The following TPM3 variants were observed in gnomAD, a reference collection of about 807,000 sequenced individuals.
TPM3 encodes the protein tropomyosin alpha-3 chain.
In TPM3, 16 loss-of-function variants were observed where a neutral mutation model predicts 43.1. The ratio of observed to expected loss-of-function variants is 0.37; its 90% confidence interval spans 0.25 to 0.56. TPM3 has a LOEUF of 0.56. Ranked by LOEUF, TPM3 falls within the 20% of genes least tolerant of loss-of-function variation. The pLI, the probability that TPM3 is intolerant of heterozygous loss-of-function variation, is 0.77. For missense variants in TPM3, 176 were observed against 337.2 expected (o/e 0.52, Z 3.74); for synonymous variants, 101 against 116.9 (o/e 0.86, Z 0.88).
At chr1:154,178,064 G>T in intron 2 of TPM3, 1 of 869,594 alleles carries the variant, frequency 1.1e-6, no homozygotes, top group Non-Finnish European at 1.4e-6. Flanking sequence ...TCAAGAGCAA[G>T]TCAGGCTATC....
chr1:154,175,042 C>A (rs1279081107), intron 3 of TPM3, among the ~76,000 whole-genome samples: 1 of 151,392 alleles, frequency 6.6e-6, no homozygotes, highest in Non-Finnish European at 1.5e-5. Context: ...TTAAAATTAG[C>A]TGGGGAAGGC....
chr1:154,160,712 G>C (rs1321723905), downstream of TPM3, among the ~76,000 whole-genome samples: 3 of 152,152 alleles, frequency 2.0e-5, no homozygotes, highest in African/African-American at 7.2e-5. Context: ...TACATCAACA[G>C]AACTGTCCTA....
intron 2 of TPM3, among the ~76,000 whole-genome samples, chr1:154,186,095 TCAATAGAGTAACCTGCACACTGATTTTTC>T (rs1450492273): frequency 6.6e-6 from 1 of 151,550 alleles, no homozygotes; most frequent in African/African-American, 2.4e-5. Context: ...AATAATTTTC[TCAATAGAGTAACCTGCACACTGATTTTTC>T]CCCCAGAAAT....
At chr1:154,180,318 T>TC (rs1352579500) in intron 2 of TPM3, among the ~76,000 whole-genome samples, 1 of 152,074 alleles carries the variant, frequency 6.6e-6, no homozygotes, top group Non-Finnish European at 1.5e-5. Flanking sequence ...GAGTGCAGTT[T>TC]CCCGCTCCAG....
intron 3 of TPM3, among the ~76,000 whole-genome samples, chr1:154,174,368 G>GTGTGTATA (rs1389219269): frequency 5.4e-4 from 25 of 46,368 alleles, no homozygotes; most frequent in Admixed American, 1.3e-3. Context: ...AAATATATGT[G>GTGTGTATA]TATATATATA....
At chr1:154,191,078 T>C (rs1458664288) in intron 2 of TPM3, 108 bp downstream of exon 2, 2 of 1,547,432 alleles carry the variant, frequency 1.3e-6, no homozygotes, top group Non-Finnish European at 1.8e-6. Flanking sequence ...TGTGAGTATA[T>C]ATGTCTGTGT....
chr1:154,176,092 C>T lies in TPM3; in HGVS notation c.377+23G>A, dbSNP rs1662277628. 4 of 1,612,640 alleles carry T rather than the reference C, an allele frequency of 2.5e-6. No individual in the cohort carries two copies. In the East Asian group the frequency reaches 8.9e-5, roughly 36 times the overall value. ...CTATTATGAACTTTTAAAATCCACA[C>T]TCCATCAGGCTTCCCTACACACCTC... On this transcript the variant is annotated intron_variant, in intron 3 of 9. Transcript: ENST00000651641.
At chr1:154,159,856 T>C (rs1400288950), downstream of TPM3, among the ~76,000 whole-genome samples, 1 of 152,142 alleles carries the variant, frequency 6.6e-6, no homozygotes, top group African/African-American at 2.4e-5. Flanking sequence ...CAGAGTTGCA[T>C]ATTTCAATCT....
At chr1:154,158,907 G>A, downstream of TPM3, 1 of 775,446 alleles carries the variant, frequency 1.3e-6, no homozygotes, top group Non-Finnish European at 2.4e-6. Flanking sequence ...CTTTTTGTTG[G>A]GGTCCAGGTC....
downstream of TPM3, chr1:154,156,389 A>G (rs1659810064): frequency 5.3e-6 from 1 of 187,862 alleles, no homozygotes; most frequent in African/African-American, 2.3e-5. Flanking sequence ...CTTTATTTCA[A>G]AAAGACACTT....
chr1:154,179,504 C>T (rs867467758), intron 2 of TPM3, among the ~76,000 whole-genome samples: 1 of 152,138 alleles, frequency 6.6e-6, no homozygotes, highest in Non-Finnish European at 1.5e-5. Flanking sequence ...CCCACTCCCT[C>T]GGTAGTACTC....
intron 3 of TPM3, among the ~76,000 whole-genome samples, chr1:154,173,905 G>A (rs778225169): frequency 2.0e-5 from 3 of 151,130 alleles, no homozygotes; most frequent in African/African-American, 7.3e-5. Flanking sequence ...ACTTGAACCC[G>A]GGAGGCAGAG....
rs1209213883 is a variant in TPM3 at position 154,167,238 on chromosome 1, A to C, written c.*699T>G. The C allele has an allele frequency of 9.6e-6, 9 of 941,016 alleles. No individual in the cohort carries two copies. Among genetic ancestry groups the C allele is most frequent in the Non-Finnish European group, 1.1e-5 (9 of 789,792 alleles). The allele number at this position is 941,016 out of a possible 1,614,324, so 58.3% of individuals were successfully genotyped here. A position where few individuals can be genotyped will look rare whatever the true frequency, so the allele number is the denominator to read the frequency against. On this transcript the variant is annotated 3_prime_UTR_variant, in exon 10 of 10. Coordinates refer to ENST00000651641, the MANE Select transcript of TPM3 (RefSeq NM_152263.4). ...GGTTTAAAGAAGAAAAAGTAAAAAA[A>C]CCGTCCAGAATTCTATCCATTGTGT... is the stretch of plus-strand genomic sequence containing the variant.
Position 154,167,859 on chromosome 1 carries a change from A to T in TPM3, c.*78T>A. ...GACCAGCCAGGCTGACCCAAATGGA[A>T]TCCAGAGCGAGAGTGGGGCCTTGGG... On this transcript the variant is annotated 3_prime_UTR_variant, in exon 10 of 10. Transcript: ENST00000651641. 6.2e-7 allele frequency: 1 copy of T among 1,613,656 alleles called. No homozygotes were observed. The highest frequency in any genetic ancestry group is 8.5e-7 in the Non-Finnish European group (1 of 1,179,688).
chr1:154,158,148 C>T (rs939352052), downstream of TPM3, among the ~76,000 whole-genome samples: 1 of 152,162 alleles, frequency 6.6e-6, no homozygotes, highest in African/African-American at 2.4e-5. Context: ...ACAGGAAGAT[C>T]CTCATGCACT....
At chr1:154,184,707 G>A (rs113380187) in intron 2 of TPM3, among the ~76,000 whole-genome samples, 4 of 152,132 alleles carry the variant, frequency 2.6e-5, no homozygotes, top group African/African-American at 9.6e-5. Flanking sequence ...TCAGCCCAGA[G>A]TTTGAGACCA....
chr1:154,167,194 G>A lies in TPM3; in HGVS notation c.*743C>T. On this transcript the variant is annotated 3_prime_UTR_variant, in exon 10 of 10. Transcript: ENST00000651641. ...CACACTAGCAGGCAAATGGTAGCAA[G>A]TCTCAAATATGTAAGAAAGGTTTAA... 1 of 608,556 alleles carries A rather than the reference G, an allele frequency of 1.6e-6. No homozygotes were observed. Among genetic ancestry groups the A allele is most frequent in the Non-Finnish European group, 2.1e-6 (1 of 486,164 alleles). The allele number at this position is 608,556 out of a possible 1,614,324, so 37.7% of individuals were successfully genotyped here. A position where few individuals can be genotyped will look rare whatever the true frequency, so the allele number is the denominator to read the frequency against.
chr1:154,191,410 C>A, intron 1 of TPM3, 99 bp from the exon 2 acceptor site: 1 of 1,583,524 alleles, frequency 6.3e-7, no homozygotes. Flanking sequence ...CTCCATGTTA[C>A]CATCCCTAGT....
In TPM3 at chr1:154,162,000, G is replaced by T. The variant is rs1019222551; in HGVS notation, c.*5937C>A. Among the ~76,000 whole-genome samples the T allele has an allele frequency of 6.6e-6, 1 of 152,090 alleles. No individual in the cohort carries two copies. The highest frequency in any genetic ancestry group is 1.5e-5 in the Non-Finnish European group (1 of 68,034). On this transcript the variant is annotated 3_prime_UTR_variant, in exon 10 of 10. Coordinates refer to ENST00000651641, the MANE Select transcript of TPM3 (RefSeq NM_152263.4). ...TAAAGTTTTTGGTTCCCTGATAATAGCTAAAACAAAACAAACGAAAAGGCA... is the reference window on the plus strand; with the variant it reads ...TAAAGTTTTTGGTTCCCTGATAATATCTAAAACAAAACAAACGAAAAGGCA...
Sources: allele counts gnomAD v4.1 joint callset (sites outside exome capture counted in the v4.1 genomes callset), GRCh38; gene constraint gnomAD v4.1.1; transcripts MANE v1.5; gene names NCBI Gene and HGNC (gene_info 2026-07-23, HGNC 2026-07-21).